The following EVA1A variants were observed in gnomAD, a reference collection of about 807,000 sequenced individuals.
EVA1A encodes eva-1 homolog A, regulator of programmed cell death.
In EVA1A, 7 loss-of-function variants were observed where a neutral mutation model predicts 9.8. The observed-to-expected ratio is 0.71, with a 90% CI of 0.41 to 1.34. The LOEUF (loss-of-function observed/expected upper bound fraction) is 1.34. Ranked by LOEUF, EVA1A falls within the 40% of genes most tolerant of loss-of-function variation. EVA1A has a pLI of 0.01. For synonymous variants in EVA1A, 90 were observed against 85.6 expected, an observed-to-expected ratio of 1.05 and a Z score of -0.28; for missense variants, 206 against 205.9, an observed-to-expected ratio of 1.00 and a Z score of 0.00.
intron 1 of EVA1A, among the ~76,000 whole-genome samples, chr2:75,531,754 C>T (rs1675658396): frequency 6.6e-6 from 1 of 152,066 alleles, no homozygotes; most frequent in Non-Finnish European, 1.5e-5. Context: ...AGTTTGGGGA[C>T]TTCGGGGAAG....
intron 1 of EVA1A, among the ~76,000 whole-genome samples, chr2:75,533,070 G>A (rs1232147685): frequency 6.6e-6 from 1 of 151,608 alleles, no homozygotes; most frequent in African/African-American, 2.4e-5. Context: ...CTTGAGCCTA[G>A]GAGATCGAGA....
At chr2:75,532,883 C>T (rs931288469) in intron 1 of EVA1A, among the ~76,000 whole-genome samples, 1 of 152,164 alleles carries the variant, frequency 6.6e-6, no homozygotes, top group South Asian at 2.1e-4. Context: ...TGGCTCAAGC[C>T]TGTAATCCCA....
chr2:75,547,567 C>CA (rs1553421091), intron 1 of EVA1A, among the ~76,000 whole-genome samples: 6 of 152,086 alleles, frequency 3.9e-5, no homozygotes, highest in Non-Finnish European at 5.9e-5. Context: ...ATACCCAAGA[C>CA]TTTTTTTTCC....
intron 1 of EVA1A, among the ~76,000 whole-genome samples, chr2:75,548,282 A>G (rs1477051671): frequency 6.6e-6 from 1 of 152,194 alleles, no homozygotes; most frequent in African/African-American, 2.4e-5. Context: ...ACAGGCTCAC[A>G]TCACCATGCC....
intron 1 of EVA1A, among the ~76,000 whole-genome samples, chr2:75,523,775 G>A (rs972238748): frequency 1.3e-5 from 2 of 152,188 alleles, no homozygotes; most frequent in East Asian, 3.8e-4. Flanking sequence ...CCCACAATAA[G>A]TGCATAGAGC....
chr2:75,549,686 G>T (rs1676459347), intron 1 of EVA1A, among the ~76,000 whole-genome samples: 1 of 152,160 alleles, frequency 6.6e-6, no homozygotes, highest in Admixed American at 6.5e-5. Context: ...ATACCTGAAG[G>T]CTCAAGATCA....
At position 75,508,843 on chromosome 2, in the gene EVA1A, G is replaced by A. The variant is rs546155422; in HGVS notation, c.85+9213C>T. Among the ~76,000 whole-genome samples, 10 of 152,080 alleles carry A rather than the reference G, an allele frequency of 6.6e-5. No individual in the cohort carries two copies. In the South Asian group the frequency reaches 8.3e-4, roughly 13 times the overall value. On this transcript the variant is annotated intron_variant, in intron 3 of 3. Coordinates refer to ENST00000393913, the MANE Select transcript of EVA1A (RefSeq NM_001135032.2). ...CTGTCCCTTTATTTCTCAAGCTGGCGGACGCTTAGGGAAAATAGAAAAGAA... is the reference window on the plus strand; with the variant it reads ...CTGTCCCTTTATTTCTCAAGCTGGCAGACGCTTAGGGAAAATAGAAAAGAA...
intron 1 of EVA1A, chr2:75,541,020 C>A (rs891669400): frequency 6.6e-6 from 1 of 152,162 alleles, no homozygotes; most frequent in Non-Finnish European, 1.5e-5. Flanking sequence ...TGTATACCTG[C>A]TGGACATCTC....
chr2:75,522,117 C>G (rs1401967166), intron 2 of EVA1A, among the ~76,000 whole-genome samples: 1 of 151,996 alleles, frequency 6.6e-6, no homozygotes, highest in South Asian at 2.1e-4. Context: ...GGAAAAAGAT[C>G]GTATGAATAG....
intron 3 of EVA1A, among the ~76,000 whole-genome samples, chr2:75,497,051 G>A (rs111744048): frequency 0.042 from 6,451 of 152,244 alleles, 465 homozygotes; most frequent in African/African-American, 0.15. Context: ...AGGGATTAAA[G>A]ACTTAAGTGT....
intron 1 of EVA1A, among the ~76,000 whole-genome samples, chr2:75,533,566 G>T (rs928516340): frequency 2.6e-5 from 4 of 152,082 alleles, no homozygotes; most frequent in Non-Finnish European, 4.4e-5. Context: ...AATACAATAG[G>T]CTTTCCTTTT....
At chr2:75,524,911 T>C (rs1339366520) in intron 1 of EVA1A, among the ~76,000 whole-genome samples, 1 of 151,808 alleles carries the variant, frequency 6.6e-6, no homozygotes, top group African/African-American at 2.4e-5. Flanking sequence ...GATAGATGGA[T>C]TGATAGATAG....
At chr2:75,535,214 A>C (rs1422599936) in intron 1 of EVA1A, among the ~76,000 whole-genome samples, 1 of 152,010 alleles carries the variant, frequency 6.6e-6, no homozygotes, top group Non-Finnish European at 1.5e-5. Context: ...ATGCAAATTA[A>C]ACTCACAATG....
At chr2:75,559,717 T>TGGGG (rs1457049048) in intron 1 of EVA1A, among the ~76,000 whole-genome samples, 2 of 52,834 alleles carry the variant, frequency 3.8e-5, no homozygotes, top group African/African-American at 8.3e-5. Flanking sequence ...GCGGGGGAGT[T>TGGGG]GGGGGGACGG....
chr2:75,553,749 A>G (rs890862547), intron 1 of EVA1A, among the ~76,000 whole-genome samples: 1 of 152,240 alleles, frequency 6.6e-6, no homozygotes, highest in Non-Finnish European at 1.5e-5. Flanking sequence ...TTTGACATGC[A>G]GCAGGGTCTA....
chr2:75,561,664 A>G (rs571442526), upstream of EVA1A, among the ~76,000 whole-genome samples: 47 of 152,090 alleles, frequency 3.1e-4, no homozygotes, highest in African/African-American at 1.1e-3. Flanking sequence ...CTCTTAAGAG[A>G]TGGGTCACGG....
upstream of EVA1A, among the ~76,000 whole-genome samples, chr2:75,563,481 C>T (rs556514628): frequency 1.5e-4 from 23 of 152,198 alleles, no homozygotes; most frequent in African/African-American, 4.6e-4. Flanking sequence ...TGCATGCACA[C>T]GTGTGTTCAT....
chr2:75,540,725 G>A (rs1465619875), intron 1 of EVA1A: 2 of 152,230 alleles, frequency 1.3e-5, no homozygotes, highest in African/African-American at 4.8e-5. Flanking sequence ...TCCAACTTTG[G>A]TTTATTTCTG....
At chr2:75,563,976 A>G (rs1676973838), upstream of EVA1A, among the ~76,000 whole-genome samples, 1 of 152,264 alleles carries the variant, frequency 6.6e-6, no homozygotes. Flanking sequence ...TGCTTCATTA[A>G]TGGCAAAATT....
Sources: allele counts gnomAD v4.1 joint callset (sites outside exome capture counted in the v4.1 genomes callset), GRCh38; gene constraint gnomAD v4.1.1; transcripts MANE v1.5; gene names NCBI Gene and HGNC (gene_info 2026-07-23, HGNC 2026-07-21).